Variants in KIAA0825 observed in about 807,000 individuals in gnomAD.
The protein encoded by KIAA0825 is KIAA0825, also known as uncharacterized protein KIAA0825.
A neutral mutation model predicts 147.6 loss-of-function variants in KIAA0825; 119 were observed. That is an observed-to-expected ratio of 0.81 (90% CI 0.69 to 0.94). The LOEUF (loss-of-function observed/expected upper bound fraction) is 0.94, where lower values mean the gene tolerates loss of function less well. Among genes scored for constraint, KIAA0825 ranks in the 40% least tolerant of loss-of-function variants. The probability of loss-of-function intolerance (pLI) is 0.00; values close to 1 mark genes in which losing one functional copy is unlikely to be tolerated. For missense variants in KIAA0825, 1,381 were observed against 1,472.7 expected (o/e 0.94, Z 1.02); for synonymous variants, 470 against 518.1 (o/e 0.91, Z 1.26).
At chr5:94,461,068 A>G (rs1159156098) in intron 12 of KIAA0825, among the ~76,000 whole-genome samples, 1 of 152,024 alleles carries the variant, frequency 6.6e-6, no homozygotes, top group Non-Finnish European at 1.5e-5. Context: ...TGCACAAATC[A>G]TAGAGATTTC....
At chr5:94,450,450 G>T (rs1476453709) in intron 13 of KIAA0825, among the ~76,000 whole-genome samples, 1 of 150,024 alleles carries the variant, frequency 6.7e-6, no homozygotes, top group Non-Finnish European at 1.5e-5. Flanking sequence ...ACACAGACTG[G>T]GTAATTTACA....
intron 20 of KIAA0825, among the ~76,000 whole-genome samples, chr5:94,278,870 G>A (rs1777338679): frequency 6.6e-6 from 1 of 151,942 alleles, no homozygotes; most frequent in Admixed American, 6.6e-5. Context: ...CCATATGTGG[G>A]TCTCTTTATG....
At chr5:94,489,159 C>T (rs756516784) in intron 5 of KIAA0825, among the ~76,000 whole-genome samples, 2 of 152,094 alleles carry the variant, frequency 1.3e-5, no homozygotes, top group Non-Finnish European at 2.9e-5. Context: ...TTTTGCAGAC[C>T]CCTTTAAGAA....
intron 20 of KIAA0825, among the ~76,000 whole-genome samples, chr5:94,266,813 A>G (rs1275546252): frequency 6.6e-6 from 1 of 152,210 alleles, no homozygotes; most frequent in Non-Finnish European, 1.5e-5. Flanking sequence ...CAGCACATTT[A>G]AACTTCTCAG....
intron 20 of KIAA0825, among the ~76,000 whole-genome samples, chr5:94,345,197 G>A (rs942322608): frequency 6.6e-6 from 1 of 152,062 alleles, no homozygotes; most frequent in African/African-American, 2.4e-5. Context: ...AAGGGTGCTG[G>A]CAATATTCTA....
At chr5:94,245,121 A>G (rs1554249249) in intron 20 of KIAA0825, among the ~76,000 whole-genome samples, 1 of 152,192 alleles carries the variant, frequency 6.6e-6, no homozygotes, top group Non-Finnish European at 1.5e-5. Context: ...CCAAAGGCTA[A>G]AACGTCCCTT....
intron 2 of KIAA0825, among the ~76,000 whole-genome samples, chr5:94,543,021 T>G (rs951024765): frequency 3.3e-5 from 5 of 152,158 alleles, no homozygotes; most frequent in Non-Finnish European, 7.4e-5. Flanking sequence ...TTCTGTCCTG[T>G]GGTAAGTAAA....
intron 2 of KIAA0825, among the ~76,000 whole-genome samples, chr5:94,556,724 A>G (rs936200102): frequency 6.6e-6 from 1 of 152,188 alleles, no homozygotes; most frequent in African/African-American, 2.4e-5. Flanking sequence ...GACTATAAAC[A>G]TGTCCAAGCT....
intron 20 of KIAA0825, among the ~76,000 whole-genome samples, chr5:94,199,560 G>A (rs1367545744): frequency 6.6e-6 from 1 of 152,236 alleles, no homozygotes; most frequent in East Asian, 1.9e-4. Context: ...GTGGTTGGGG[G>A]CATGGGTGTG....
intron 20 of KIAA0825, among the ~76,000 whole-genome samples, chr5:94,160,602 T>C (rs1345100887): frequency 6.7e-6 from 1 of 148,384 alleles, no homozygotes; most frequent in Non-Finnish European, 1.5e-5. Context: ...TGTATGTATG[T>C]ATATTTAATA....
At chr5:94,250,501 A>G (rs930519922) in intron 20 of KIAA0825, among the ~76,000 whole-genome samples, 3 of 152,308 alleles carry the variant, frequency 2.0e-5, no homozygotes, top group African/African-American at 7.2e-5. Context: ...CAAAATAATT[A>G]TACAAGGGCA....
intron 10 of KIAA0825, among the ~76,000 whole-genome samples, chr5:94,466,983 A>G (rs1334694290): frequency 6.6e-6 from 1 of 152,162 alleles, no homozygotes; most frequent in African/African-American, 2.4e-5. Flanking sequence ...GCAATGGGTC[A>G]GTTCTTATTA....
intron 1 of KIAA0825, chr5:94,594,609 G>A: frequency 3.0e-6 from 2 of 672,596 alleles, no homozygotes; most frequent in South Asian, 1.5e-5. Flanking sequence ...GGATTCAAAA[G>A]CATTTTGTAG....
In KIAA0825 at chr5:94,520,676, T is replaced by G; in HGVS notation, c.542A>C (p.Glu181Ala). Residue 181 changes from glutamate to alanine, a missense_variant, in exon 5 of 21, where the codon GAA (glutamate) becomes GCA (alanine). Coordinates refer to ENST00000682413, the MANE Select transcript of KIAA0825 (RefSeq NM_001145678.3). ...AATTTTTTGCTGTGAATTGTTTATT[T>G]CATTATGGCTTTGTAATTTGCTCAC... is the stretch of plus-strand genomic sequence containing the variant. ...FLVSKLQSHN[E>A]INNSQQKILL... 1.2e-6 allele frequency: 2 copies of G among 1,613,490 alleles called. No individual in the cohort carries two copies. Among genetic ancestry groups the G allele is most frequent in the Non-Finnish European group, 8.5e-7 (1 of 1,179,532 alleles).
chr5:94,306,648 A>G (rs959037864), intron 20 of KIAA0825, among the ~76,000 whole-genome samples: 7 of 151,826 alleles, frequency 4.6e-5, no homozygotes, highest in African/African-American at 1.7e-4. Flanking sequence ...TTTCACCCCA[A>G]TAATATTTAA....
At chr5:94,477,815 T>G (rs1182932337) in intron 6 of KIAA0825, among the ~76,000 whole-genome samples, 2 of 152,118 alleles carry the variant, frequency 1.3e-5, no homozygotes, top group Non-Finnish European at 2.9e-5. Context: ...ATTAAGAAAC[T>G]CTTTTCCATG....
chr5:94,419,681 GC>G (rs1584439600), intron 14 of KIAA0825, among the ~76,000 whole-genome samples: 1 of 152,262 alleles, frequency 6.6e-6, no homozygotes, highest in Non-Finnish European at 1.5e-5. Flanking sequence ...AGGTGCTGAG[GC>G]CATCCCCTTC....
intron 12 of KIAA0825, among the ~76,000 whole-genome samples, chr5:94,457,292 T>C (rs1035219557): frequency 1.9e-4 from 29 of 152,208 alleles, no homozygotes; most frequent in Admixed American, 1.5e-3. Flanking sequence ...AAATAATTCA[T>C]AGTGGAGAGT....
intron 2 of KIAA0825, among the ~76,000 whole-genome samples, chr5:94,542,715 G>A (rs1484362027): frequency 1.3e-5 from 2 of 152,054 alleles, no homozygotes; most frequent in African/African-American, 2.4e-5. Context: ...ACTGAGGCAG[G>A]AGAATCACTT....
Sources: allele counts gnomAD v4.1 joint callset (sites outside exome capture counted in the v4.1 genomes callset), GRCh38; gene constraint gnomAD v4.1.1; transcripts MANE v1.5; gene names NCBI Gene and HGNC (gene_info 2026-07-23, HGNC 2026-07-21).